The following DPYSL5 variants were observed in gnomAD, a reference collection of about 807,000 sequenced individuals.
The protein encoded by DPYSL5 is dihydropyrimidinase like 5, also known as dihydropyrimidinase-related protein 5.
In DPYSL5, 9 loss-of-function variants were observed where a neutral mutation model predicts 58.4. The ratio of observed to expected loss-of-function variants is 0.15; its 90% CI spans 0.09 to 0.27. The LOEUF (loss-of-function observed/expected upper bound fraction) is 0.27, where lower values mean the gene tolerates loss of function less well. Among genes scored for constraint, DPYSL5 ranks in the 10% least tolerant of loss-of-function variants. The pLI, the probability that DPYSL5 is intolerant of heterozygous loss-of-function variation, is 1.00. For missense variants in DPYSL5, 499 were observed against 770.6 expected (o/e 0.65, Z 4.17); for synonymous variants, 293 against 301.9 (o/e 0.97, Z 0.31).
chr2:26,876,781 G>T (rs1358184498), intron 1 of DPYSL5, among the ~76,000 whole-genome samples: 1 of 152,066 alleles, frequency 6.6e-6, no homozygotes, highest in African/African-American at 2.4e-5. Flanking sequence ...CTCCCAAAGC[G>T]CTGGTATTAC....
At chr2:26,867,443 G>GC (rs1553314245) in intron 1 of DPYSL5, among the ~76,000 whole-genome samples, 2 of 136,418 alleles carry the variant, frequency 1.5e-5, no homozygotes, top group Non-Finnish European at 3.2e-5. Context: ...CCAATTGTTT[G>GC]TTTTTTTTTT....
intron 2 of DPYSL5, among the ~76,000 whole-genome samples, chr2:26,913,952 T>TAAA (rs71401539): frequency 1.5e-5 from 2 of 132,326 alleles, no homozygotes. Flanking sequence ...TTCCAAAATG[T>TAAA]AAAAAAAAAA....
chr2:26,875,737 C>G (rs564509439), intron 1 of DPYSL5, among the ~76,000 whole-genome samples: 1 of 152,246 alleles, frequency 6.6e-6, no homozygotes, highest in Admixed American at 6.5e-5. Context: ...GACTAGGAAC[C>G]AAGGAGATCT....
At chr2:26,907,564 C>G (rs542527963) in intron 2 of DPYSL5, among the ~76,000 whole-genome samples, 2 of 152,266 alleles carry the variant, frequency 1.3e-5, no homozygotes, top group South Asian at 2.1e-4. Context: ...AACCCCTGAT[C>G]TGACCTTGCC....
At chr2:26,931,584 G>T (rs1445903931) in intron 5 of DPYSL5, 56 bp from the exon 6 acceptor site, 1 of 1,606,342 alleles carries the variant, frequency 6.2e-7, no homozygotes, top group Non-Finnish European at 8.5e-7. Context: ...TATGGTGTGG[G>T]TATCCTTGGA....
intron 5 of DPYSL5, among the ~76,000 whole-genome samples, chr2:26,929,325 C>T (rs1664913926): frequency 6.6e-6 from 1 of 152,106 alleles, no homozygotes; most frequent in South Asian, 2.1e-4. Flanking sequence ...CTCTGCATCC[C>T]GGGTTCAAGC....
intron 1 of DPYSL5, among the ~76,000 whole-genome samples, chr2:26,894,385 C>G (rs1235940766): frequency 1.3e-5 from 2 of 152,198 alleles, no homozygotes; most frequent in Non-Finnish European, 2.9e-5. Flanking sequence ...ATATGCCTGT[C>G]TCTTCTGCAT....
chr2:26,943,200 A>G (rs1275844135), intron 11 of DPYSL5, among the ~76,000 whole-genome samples: 1 of 152,132 alleles, frequency 6.6e-6, no homozygotes, highest in Non-Finnish European at 1.5e-5. Context: ...GCACCTGAAC[A>G]CGGGAGGCCC....
At chr2:26,921,580 T>C (rs559189404) in intron 2 of DPYSL5, among the ~76,000 whole-genome samples, 1 of 152,200 alleles carries the variant, frequency 6.6e-6, no homozygotes, top group Admixed American at 6.5e-5. Context: ...AAACAGAGCT[T>C]GTCAGCATTC....
chr2:26,850,252 A>T (rs1045714200), intron 1 of DPYSL5, among the ~76,000 whole-genome samples: 1 of 152,136 alleles, frequency 6.6e-6, no homozygotes, highest in African/African-American at 2.4e-5. Flanking sequence ...GACTTCGCCC[A>T]TATTGTCTGC....
At position 26,944,435 on chromosome 2, in the gene DPYSL5, C is replaced by T. The variant is rs988779472; in HGVS notation, c.1441-221C>T. 9.2e-5 allele frequency among the ~76,000 whole-genome samples: 14 copies of T among 152,202 alleles called. No individual in the cohort carries two copies. Among genetic ancestry groups the T allele is most frequent in the African/African-American group, 3.4e-4 (14 of 41,442 alleles). ...ACATGTGCACTCACATACATGCACG[C>T]ATGCACACATGTACACATATGCACA... On this transcript the variant is annotated intron_variant, in intron 11 of 12. Coordinates refer to ENST00000288699, the MANE Select transcript of DPYSL5 (RefSeq NM_020134.4). This position sits in a 1 kb window ranked among gnomAD's most constrained non-coding sequence, Gnocchi z 4.4.
rs1181216630 is a variant in DPYSL5 at position 26,849,970 on chromosome 2, C to A, written c.-5+1716C>A. Among the ~76,000 whole-genome samples the A allele has an allele frequency of 1.3e-5, 2 of 152,180 alleles. No homozygotes were observed. The highest frequency in any genetic ancestry group is 2.1e-4 in the South Asian group (1 of 4,834). ...TGGTTAGCGGCGCGGAGCTGCCGGGCGGCGACGCAGGTGCCAAAGACTGGA... is the reference window on the plus strand; with the variant it reads ...TGGTTAGCGGCGCGGAGCTGCCGGGAGGCGACGCAGGTGCCAAAGACTGGA... On this transcript the variant is annotated intron_variant, in intron 1 of 12. Coordinates refer to ENST00000288699, the MANE Select transcript of DPYSL5 (RefSeq NM_020134.4). The surrounding 1 kb of genome is among the most constrained non-coding windows in gnomAD (Gnocchi z 6.2).
Position 26,942,377 on chromosome 2 carries a change from T to C in DPYSL5, c.1233-166T>C, listed in dbSNP as rs191820125. Among the ~76,000 whole-genome samples the C allele has an allele frequency of 6.1e-4, 93 of 152,288 alleles. 2 individuals are homozygous for C. Among genetic ancestry groups the C allele is most frequent in the African/African-American group, 2.1e-3 (87 of 41,560 alleles). ...TAATGATTACATTAAAGGCCCTAAATAGTGCCATGTTCTGAGGTTCTGGGT... is the reference window on the plus strand; with the variant it reads ...TAATGATTACATTAAAGGCCCTAAACAGTGCCATGTTCTGAGGTTCTGGGT... On this transcript the variant is annotated intron_variant, in intron 10 of 12. Coordinates refer to ENST00000288699, the MANE Select transcript of DPYSL5 (RefSeq NM_020134.4). This position sits in a 1 kb window ranked among gnomAD's most constrained non-coding sequence, Gnocchi z 5.9.
rs944503736 is a variant in DPYSL5 at position 26,905,446 on chromosome 2, A to G, written c.261+6686A>G. On this transcript the variant is annotated intron_variant, in intron 2 of 12. Coordinates refer to ENST00000288699, the MANE Select transcript of DPYSL5 (RefSeq NM_020134.4). The surrounding 1 kb of genome is among the most constrained non-coding windows in gnomAD (Gnocchi z 4.0). Reference sequence around the variant, plus strand: ...ATCCACCGACTTTGGCTTCACAATGAAATTGCTCCACTGTGCACCGAGTGC... The same window carrying G: ...ATCCACCGACTTTGGCTTCACAATGGAATTGCTCCACTGTGCACCGAGTGC... 6.6e-6 allele frequency among the ~76,000 whole-genome samples: 1 copy of G among 152,154 alleles called. No homozygotes were observed. Among genetic ancestry groups the G allele is most frequent in the Admixed American group, 6.5e-5 (1 of 15,274 alleles).
chr2:26,884,734 C>T (rs897149689), intron 1 of DPYSL5, among the ~76,000 whole-genome samples: 7 of 152,156 alleles, frequency 4.6e-5, no homozygotes, highest in African/African-American at 9.7e-5. Flanking sequence ...CACGTGGGGC[C>T]GGGCCAACTC....
Position 26,927,359 on chromosome 2 carries a change from A to G in DPYSL5, c.527A>G (p.Gln176Arg), listed in dbSNP as rs775997571. ...ATGCTTCGAGACAGTGAGCTGTACC[A>G]AGTGTTGCACGCTTGCAAGGACATT... ...LYMLRDSELY[Q>R]VLHACKDIGA... is the part of the protein sequence containing the mutation. The change falls in exon 4 of 13, where the codon CAA (glutamine) becomes CGA (arginine). Residue 176 changes from glutamine to arginine, a missense_variant. Gln to Arg is a conservative substitution (Grantham distance 43). Coordinates refer to ENST00000288699, the MANE Select transcript of DPYSL5 (RefSeq NM_020134.4). This position sits in a 1 kb window ranked among gnomAD's most constrained non-coding sequence, Gnocchi z 4.3. 8 of 1,614,258 alleles carry G rather than the reference A, an allele frequency of 5.0e-6. No homozygotes were observed. The Admixed American group carries it at 1.0e-4, about 20-fold the overall frequency.
rs2148182991 is a variant in DPYSL5 at position 26,948,916 on chromosome 2, T to G, written c.*1921T>G. On this transcript the variant is annotated 3_prime_UTR_variant, in exon 13 of 13. Coordinates refer to ENST00000288699, the MANE Select transcript of DPYSL5 (RefSeq NM_020134.4). ...CATCTCTGTAGTGCTTTTCATGTATTCAAACCACTTCCGTATATGACCTCT... is the reference window on the plus strand; with the variant it reads ...CATCTCTGTAGTGCTTTTCATGTATGCAAACCACTTCCGTATATGACCTCT... The G allele has an allele frequency of 6.6e-6, 1 of 152,328 alleles. No individual in the cohort carries two copies. Among genetic ancestry groups the G allele is most frequent in the Non-Finnish European group, 1.5e-5 (1 of 68,040 alleles). 9.4% of individuals were successfully genotyped at this position (152,328 alleles called of 1,614,324 possible). A position where few individuals can be genotyped will look rare whatever the true frequency, so the allele number is the denominator to read the frequency against.
chr2:26,931,416 A>T (rs1257505489), intron 5 of DPYSL5, among the ~76,000 whole-genome samples: 1 of 151,658 alleles, frequency 6.6e-6, no homozygotes, highest in African/African-American at 2.4e-5. Flanking sequence ...CTTGCCTTTT[A>T]ATTAAGCCCC....
intron 1 of DPYSL5, among the ~76,000 whole-genome samples, chr2:26,884,110 G>A (rs981864015): frequency 6.6e-6 from 1 of 152,204 alleles, no homozygotes; most frequent in Non-Finnish European, 1.5e-5. Flanking sequence ...GAGACAGCTG[G>A]CAAGAGCACG....
Sources: gnomAD v4.1 joint callset for allele counts (sites outside exome capture counted in the v4.1 genomes callset) on GRCh38, gnomAD v4.1.1 for gene constraint, Gnocchi (gnomAD v3.1) non-coding constraint, MANE v1.5 for transcripts, NCBI Gene and HGNC (gene_info 2026-07-23, HGNC 2026-07-21) for gene names.